Variants in ARHGAP15 observed in about 807,000 individuals in gnomAD.
ARHGAP15 encodes the protein Rho GTPase activating protein 15.
A neutral mutation model predicts 63.7 loss-of-function variants in ARHGAP15; 51 were observed. The ratio of observed to expected loss-of-function variants is 0.80; its 90% confidence interval spans 0.64 to 1.01. ARHGAP15 has a LOEUF of 1.01. Ranked by LOEUF, ARHGAP15 falls within the 50% of genes least tolerant of loss-of-function variation. The probability of loss-of-function intolerance (pLI) is 0.00; values close to 1 mark genes in which losing one functional copy is unlikely to be tolerated. For synonymous variants in ARHGAP15, 191 were observed against 193.8 expected, an observed-to-expected ratio of 0.99 and a Z score of 0.12; for missense variants, 560 against 564.6, an observed-to-expected ratio of 0.99 and a Z score of 0.08.
At chr2:143,602,809 TA>T (rs146609993) in intron 11 of ARHGAP15, among the ~76,000 whole-genome samples, 1,596 of 152,288 alleles carry the variant, frequency 0.01, 27 homozygotes, top group African/African-American at 0.037. Context: ...TTAGGAGTGT[TA>T]TTCCTCCAAT....
chr2:143,637,995 G>A (rs1231023754), intron 12 of ARHGAP15, among the ~76,000 whole-genome samples: 5 of 150,790 alleles, frequency 3.3e-5, no homozygotes, highest in Non-Finnish European at 7.4e-5. Flanking sequence ...AAAAAGTCAG[G>A]AAACAACAGG....
chr2:143,330,133 C>CAAAAAAAAAAAAAAAAAA lies in ARHGAP15; in HGVS notation c.474+79538_474+79539insAAAAAAAAAAAAAAAAAA, dbSNP rs1558898102. Among the ~76,000 whole-genome samples the CAAAAAAAAAAAAAAAAAA allele has an allele frequency of 6.4e-3, 240 of 37,312 alleles. 44 individuals carry two copies. The highest frequency in any genetic ancestry group is 9.6e-3 in the Non-Finnish European group (183 of 19,130). The allele number at this position is 37,312 out of a possible 152,430, so 24.5% of individuals were successfully genotyped here. A position where few individuals can be genotyped will look rare whatever the true frequency, so the allele number is the denominator to read the frequency against. ...AAAAAAAAAAAAAAAAAAAAAAAACCAAAAACAAAAAACTAAACTAATGAT... is the reference window on the plus strand; with the variant it reads ...AAAAAAAAAAAAAAAAAAAAAAAACCAAAAAAAAAAAAAAAAAAAAAAACAAAAAACTAAACTAATGAT... On this transcript the variant is annotated intron_variant, in intron 6 of 13. Coordinates refer to ENST00000295095, the MANE Select transcript of ARHGAP15 (RefSeq NM_018460.4).
At chr2:143,492,410 T>G (rs888517493) in intron 9 of ARHGAP15, among the ~76,000 whole-genome samples, 1 of 152,192 alleles carries the variant, frequency 6.6e-6, no homozygotes, top group Non-Finnish European at 1.5e-5. Flanking sequence ...ACAAACTTAT[T>G]TTACTTTACT....
intron 6 of ARHGAP15, among the ~76,000 whole-genome samples, chr2:143,346,178 T>A (rs895919311): frequency 1.8e-3 from 255 of 143,106 alleles, no homozygotes; most frequent in Non-Finnish European, 2.7e-3. Flanking sequence ...ACACACTCTC[T>A]CTCTCACACA....
At chr2:143,298,569 G>A (rs748847321) in intron 6 of ARHGAP15, among the ~76,000 whole-genome samples, 3 of 151,874 alleles carry the variant, frequency 2.0e-5, no homozygotes, top group East Asian at 1.9e-4. Context: ...TCATTAAATC[G>A]ATTTGAATCT....
intron 5 of ARHGAP15, chr2:143,235,980 C>T (rs1421457730): frequency 1.3e-6 from 2 of 1,544,216 alleles, no homozygotes; most frequent in Admixed American, 2.0e-5. Flanking sequence ...GGCACCTGAC[C>T]ATGTTCATGG....
chr2:143,194,500 A>G (rs1457565330), intron 2 of ARHGAP15, among the ~76,000 whole-genome samples: 1 of 152,300 alleles, frequency 6.6e-6, no homozygotes, highest in Non-Finnish European at 1.5e-5. Flanking sequence ...TTATATGTCT[A>G]TTTTGGCCCT....
rs367621500 is a variant in ARHGAP15 at position 143,330,132 on chromosome 2, C to CAAAAAAA, written c.474+79532_474+79533insAAAAAAA. Among the ~76,000 whole-genome samples the CAAAAAAA allele has an allele frequency of 1.5e-3, 73 of 48,948 alleles. 6 individuals are homozygous for CAAAAAAA. Among genetic ancestry groups the CAAAAAAA allele is most frequent in the Admixed American group, 3.2e-3 (10 of 3,088 alleles). The allele number at this position is 48,948 out of a possible 152,430, so 32.1% of individuals were successfully genotyped here. On this transcript the variant is annotated intron_variant, in intron 6 of 13. Coordinates refer to ENST00000295095, the MANE Select transcript of ARHGAP15 (RefSeq NM_018460.4). Reference sequence around the variant, plus strand: ...AAAAAAAAAAAAAAAAAAAAAAAAACCAAAAACAAAAAACTAAACTAATGA... The same window carrying CAAAAAAA: ...AAAAAAAAAAAAAAAAAAAAAAAAACAAAAAAACAAAAACAAAAAACTAAACTAATGA...
At chr2:143,474,643 T>C (rs1319761109) in intron 8 of ARHGAP15, among the ~76,000 whole-genome samples, 3 of 152,226 alleles carry the variant, frequency 2.0e-5, no homozygotes, top group Non-Finnish European at 2.9e-5. Context: ...GAAATTTGGA[T>C]TGAACCTTTA....
At chr2:143,276,968 G>T (rs760962764) in intron 6 of ARHGAP15, among the ~76,000 whole-genome samples, 1 of 152,146 alleles carries the variant, frequency 6.6e-6, no homozygotes, top group Non-Finnish European at 1.5e-5. Context: ...TTTAGAAATT[G>T]CATCGTTGGA....
At chr2:143,528,097 T>C (rs1694360193) in intron 10 of ARHGAP15, among the ~76,000 whole-genome samples, 1 of 152,094 alleles carries the variant, frequency 6.6e-6, no homozygotes, top group Non-Finnish European at 1.5e-5. Context: ...AAGTTAACCA[T>C]CAGCAACTAC....
At chr2:143,313,630 T>C (rs1360828301) in intron 6 of ARHGAP15, among the ~76,000 whole-genome samples, 1 of 152,190 alleles carries the variant, frequency 6.6e-6, no homozygotes, top group Non-Finnish European at 1.5e-5. Context: ...GTAAGGTTTT[T>C]AGATGTTTGT....
chr2:143,627,635 C>G (rs1014514294), intron 12 of ARHGAP15, among the ~76,000 whole-genome samples: 2 of 152,174 alleles, frequency 1.3e-5, no homozygotes, highest in South Asian at 2.1e-4. Context: ...CAGATCCACT[C>G]GCGAGTTTTC....
At chr2:143,561,921 A>C (rs1696045926) in intron 11 of ARHGAP15, among the ~76,000 whole-genome samples, 1 of 152,142 alleles carries the variant, frequency 6.6e-6, no homozygotes, top group Non-Finnish European at 1.5e-5. Flanking sequence ...ATGATCAAGA[A>C]TCTTGTTTGT....
intron 6 of ARHGAP15, chr2:143,295,384 C>CTT (rs978713987): frequency 1.6e-4 from 24 of 151,918 alleles, no homozygotes; most frequent in African/African-American, 5.3e-4. Context: ...GAGGGAAAAA[C>CTT]TTAAAACATG....
intron 6 of ARHGAP15, among the ~76,000 whole-genome samples, chr2:143,335,985 TTTATTA>T (rs773843948): frequency 6.6e-6 from 1 of 151,480 alleles, no homozygotes; most frequent in African/African-American, 2.4e-5. Context: ...ATAGTTTTTA[TTTATTA>T]TTATTATTTT....
chr2:143,352,233 T>C (rs1685604844), intron 6 of ARHGAP15, among the ~76,000 whole-genome samples: 1 of 152,212 alleles, frequency 6.6e-6, no homozygotes, highest in Admixed American at 6.5e-5. Flanking sequence ...ATTTATAGTT[T>C]GGAAAACATT....
intron 6 of ARHGAP15, among the ~76,000 whole-genome samples, chr2:143,343,454 A>G (rs1685146666): frequency 6.6e-6 from 1 of 152,118 alleles, no homozygotes; most frequent in African/African-American, 2.4e-5. Flanking sequence ...AGAATGTTTT[A>G]TATCTTTGTT....
intron 13 of ARHGAP15, among the ~76,000 whole-genome samples, chr2:143,708,286 A>T (rs1250946369): frequency 8.5e-5 from 13 of 152,216 alleles, no homozygotes; most frequent in Admixed American, 2.6e-4. Context: ...TATTTTTTAA[A>T]TGTATTATAT....
Sources: allele counts gnomAD v4.1 joint callset (sites outside exome capture counted in the v4.1 genomes callset), GRCh38; gene constraint gnomAD v4.1.1; transcripts MANE v1.5; gene names NCBI Gene and HGNC (gene_info 2026-07-23, HGNC 2026-07-21).